The following PSMA8 variants were observed in gnomAD, a reference collection of about 807,000 sequenced individuals.
PSMA8 encodes the protein proteasome subunit alpha-type 8.
In PSMA8, 18 loss-of-function variants were observed where a neutral mutation model predicts 32.4. The ratio of observed to expected loss-of-function variants is 0.56; its 90% CI spans 0.38 to 0.82. The LOEUF is 0.82. PSMA8 is among the 40% of genes least tolerant of loss of function. PSMA8 has a pLI of 0.00. For synonymous variants in PSMA8, 104 were observed against 98.1 expected (o/e 1.06, Z -0.36); for missense variants, 298 against 300.7 (o/e 0.99, Z 0.07).
chr18:26,185,747 G>A (rs1247888449), intron 6 of PSMA8, among the ~76,000 whole-genome samples: 2 of 150,692 alleles, frequency 1.3e-5, no homozygotes, highest in African/African-American at 4.9e-5. Flanking sequence ...ACTTGCGTCT[G>A]GTTTTAAACC....
rs2144370579 is a variant in PSMA8 at position 26,192,885 on chromosome 18, C to T, written c.*474C>T. ...TGAGTTCTTAAAATTTTGTCAGAGCCTTCTTCATTTTACAATATTTTGTTA... is the reference window on the plus strand; with the variant it reads ...TGAGTTCTTAAAATTTTGTCAGAGCTTTCTTCATTTTACAATATTTTGTTA... On this transcript the variant is annotated 3_prime_UTR_variant, in exon 7 of 7. Transcript: ENST00000415576. 6.6e-6 allele frequency: 1 copy of T among 152,158 alleles called. No individual in the cohort carries two copies. Among genetic ancestry groups the T allele is most frequent in the African/African-American group, 2.4e-5 (1 of 41,534 alleles). The allele number at this position is 152,158 out of a possible 1,614,324, so 9.4% of individuals were successfully genotyped here.
chr18:26,171,361 T>C, intron 4 of PSMA8: 1 of 1,414,288 alleles, frequency 7.1e-7, no homozygotes, highest in Non-Finnish European at 9.8e-7. Context: ...AAATTGTCGG[T>C]ATTTTGTTAT....
At chr18:26,139,552 T>TA in intron 1 of PSMA8, among the ~76,000 whole-genome samples, 1 of 152,288 alleles carries the variant, frequency 6.6e-6, no homozygotes, top group South Asian at 2.1e-4. Context: ...TGGCTGGAAA[T>TA]AATAATTTTG....
intron 4 of PSMA8, among the ~76,000 whole-genome samples, chr18:26,176,909 G>T (rs1028587280): frequency 2.0e-5 from 3 of 152,186 alleles, no homozygotes; most frequent in Admixed American, 6.6e-5. Flanking sequence ...CTCCAGCCTG[G>T]GCGACAGAGT....
Position 26,158,165 on chromosome 18 carries a change from C to T in PSMA8, c.398C>T (p.Ala133Val), listed in dbSNP as rs1233963814. 2 of 1,605,072 alleles carry T rather than the reference C, an allele frequency of 1.2e-6. No individual in the cohort carries two copies. Among genetic ancestry groups the T allele is most frequent in the Non-Finnish European group, 8.5e-7 (1 of 1,172,524 alleles). ...GGACGAAGACCTTTTGGTATTTCTG[C>T]CTTAATTGTAGGTTTTGATGATGAT... is the stretch of plus-strand genomic sequence containing the variant. ...SNGRRPFGIS[A>V]LIVGFDDDGI... is the part of the protein sequence containing the mutation. The change falls in exon 4 of 7, where the codon GCC becomes GTC. Residue 133 changes from alanine to valine, a missense_variant. Physicochemically the swap from Ala to Val is moderately conservative, Grantham distance 64. Transcript: ENST00000415576.
At chr18:26,179,197 T>C in intron 6 of PSMA8, 67 bp downstream of exon 6, 1 of 1,276,560 alleles carries the variant, frequency 7.8e-7, no homozygotes, top group Non-Finnish European at 1.1e-6. Flanking sequence ...GTTAAAAAGT[T>C]GTTGGCCTCT....
In PSMA8 at chr18:26,151,941, A is replaced by G. The variant is rs749466842; in HGVS notation, c.313A>G (p.Thr105Ala). Residue 105 changes from threonine to alanine, a missense_variant, in exon 3 of 7, where the codon ACT becomes GCT. Thr to Ala is a moderately conservative substitution (Grantham distance 58). Transcript: ENST00000415576. Reference sequence around the variant, plus strand: ...TAAGCTTACGGTTGAGGACCCAGTCACTGTAGAATACATAACTCGCTTCAT... The same window carrying G: ...TAAGCTTACGGTTGAGGACCCAGTCGCTGTAGAATACATAACTCGCTTCAT... ...SHKLTVEDPV[T>A]VEYITRFIAT... The G allele has an allele frequency of 2.5e-6, 4 of 1,610,804 alleles. No homozygotes were observed. In the South Asian group the frequency reaches 4.4e-5, roughly 18 times the overall value.
intron 4 of PSMA8, among the ~76,000 whole-genome samples, chr18:26,172,425 C>A (rs1178971696): frequency 6.6e-6 from 1 of 152,090 alleles, no homozygotes; most frequent in Non-Finnish European, 1.5e-5. Flanking sequence ...TAGTGATGTA[C>A]CAATAATTCT....
chr18:26,179,529 C>T (rs937771056), intron 6 of PSMA8, among the ~76,000 whole-genome samples: 7 of 152,106 alleles, frequency 4.6e-5, no homozygotes, highest in Admixed American at 1.3e-4. Flanking sequence ...ATAACCTTTC[C>T]ATATTTCTTT....
intron 4 of PSMA8, among the ~76,000 whole-genome samples, chr18:26,175,879 G>A (rs944685199): frequency 6.6e-6 from 1 of 152,126 alleles, no homozygotes; most frequent in Non-Finnish European, 1.5e-5. Flanking sequence ...TGCATTCTAG[G>A]CAGTAAAGGT....
Position 26,186,666 on chromosome 18 carries a change from G to A in PSMA8, c.661-5653G>A, listed in dbSNP as rs899948994. Among the ~76,000 whole-genome samples the A allele has an allele frequency of 2.5e-4, 38 of 152,120 alleles. 1 individual carries two copies. Among genetic ancestry groups the A allele is most frequent in the African/African-American group, 6.0e-4 (25 of 41,414 alleles). ...GTACTTCTTAAATCACTGACTATGT[G>A]CTGAAATTTTAACACTTTGACAGGA... is the stretch of plus-strand genomic sequence containing the variant. On this transcript the variant is annotated intron_variant, in intron 6 of 6. Transcript: ENST00000415576.
chr18:26,184,641 G>A (rs1467462862), intron 6 of PSMA8, among the ~76,000 whole-genome samples: 5 of 149,648 alleles, frequency 3.3e-5, no homozygotes, highest in African/African-American at 9.9e-5. Flanking sequence ...GGGCATGGTG[G>A]CATGTGCCTG....
rs563930863 is a variant in PSMA8 at position 26,171,462 on chromosome 18, A to G, written c.478-7368A>G. On this transcript the variant is annotated intron_variant, in intron 4 of 6. Transcript: ENST00000415576. Reference sequence around the variant, plus strand: ...AATTTTCTGAGTTTCGGCCGGGTGCAGTGGCTCACGCCTGTAATCCCAGCA... The same window carrying G: ...AATTTTCTGAGTTTCGGCCGGGTGCGGTGGCTCACGCCTGTAATCCCAGCA... 3.7e-3 allele frequency among the ~76,000 whole-genome samples: 569 copies of G among 152,312 alleles called. 4 individuals carry two copies. The highest frequency in any genetic ancestry group is 0.013 in the African/African-American group (537 of 41,570).
intron 4 of PSMA8, among the ~76,000 whole-genome samples, chr18:26,166,268 C>G (rs1345392199): frequency 1.3e-5 from 2 of 152,106 alleles, no homozygotes; most frequent in African/African-American, 4.8e-5. Context: ...AAAATGTGAT[C>G]TGCAAATCCC....
chr18:26,144,626 A>G lies in PSMA8; in HGVS notation c.170A>G (p.Asp57Gly), dbSNP rs747668788. ...VEKKSVAKLQ[D>G]ERTVRKICAL... ...AAAAAATCTGTTGCCAAGCTTCAAG[A>G]TGAAAGAACTGTGAGGAAAATTTGT... The change falls in exon 2 of 7, where the codon GAT becomes GGT. Residue 57 changes from aspartate (D) to glycine (G), a missense_variant. Coordinates refer to ENST00000415576, the MANE Select transcript of PSMA8 (RefSeq NM_001025096.2). The G allele has an allele frequency of 1.8e-5, 29 of 1,613,950 alleles. No homozygotes were observed. The highest frequency in any genetic ancestry group is 2.4e-5 in the Non-Finnish European group (28 of 1,179,906).
chr18:26,150,048 C>G (rs79554698), intron 2 of PSMA8, among the ~76,000 whole-genome samples: 8,536 of 152,236 alleles, frequency 0.056, 705 homozygotes, highest in African/African-American at 0.18. Context: ...GTTCCAAAAT[C>G]TGAAAATTTT....
chr18:26,134,157 G>C (rs2054889579), intron 1 of PSMA8, 90 bp downstream of exon 1: 3 of 854,406 alleles, frequency 3.5e-6, no homozygotes, highest in Admixed American at 2.0e-5. Context: ...TCCATCCTAG[G>C]AGCTCAAGAG....
At chr18:26,190,776 C>A (rs549003066) in intron 6 of PSMA8, among the ~76,000 whole-genome samples, 3 of 152,152 alleles carry the variant, frequency 2.0e-5, no homozygotes, top group Non-Finnish European at 2.9e-5. Context: ...GTGAAAGACA[C>A]TTTTTCAAAG....
chr18:26,154,712 G>A (rs550078410), intron 3 of PSMA8, among the ~76,000 whole-genome samples: 17 of 152,220 alleles, frequency 1.1e-4, no homozygotes, highest in Admixed American at 1.1e-3. Context: ...CAACTCCCTC[G>A]TTCAAGTGAT....
Sources: gnomAD v4.1 joint callset for allele counts (sites outside exome capture counted in the v4.1 genomes callset) on GRCh38, gnomAD v4.1.1 for gene constraint, MANE v1.5 for transcripts, NCBI Gene and HGNC (gene_info 2026-07-23, HGNC 2026-07-21) for gene names.